Variants in KCNQ1 observed in about 807,000 individuals in gnomAD.
KCNQ1 encodes potassium voltage-gated channel subfamily KQT member 1.
A neutral mutation model predicts 72.4 loss-of-function variants in KCNQ1; 49 were observed. The observed-to-expected ratio is 0.68, with a 90% CI of 0.54 to 0.86. KCNQ1 has a LOEUF of 0.86. Among genes scored for constraint, KCNQ1 ranks in the 40% least tolerant of loss-of-function variants. KCNQ1 has a pLI of 0.00. For synonymous variants in KCNQ1, 450 were observed against 412.6 expected, an observed-to-expected ratio of 1.09 and a Z score of -1.10; for missense variants, 790 against 945.1, an observed-to-expected ratio of 0.84 and a Z score of 2.15.
At chr11:2,774,693 C>G (rs529257334) in intron 12 of KCNQ1, among the ~76,000 whole-genome samples, 3 of 152,300 alleles carry the variant, frequency 2.0e-5, no homozygotes, top group African/African-American at 7.2e-5. Context: ...AAAGTGGGTA[C>G]ATGGAGACCT....
rs182746329 is a variant in KCNQ1 at position 2,766,521 on chromosome 11, A to C, written c.1515-2323A>C. On this transcript the variant is annotated intron_variant, in intron 11 of 15. Coordinates refer to ENST00000155840, the MANE Select transcript of KCNQ1 (RefSeq NM_000218.3). The surrounding 1 kb of genome is among the most constrained non-coding windows in gnomAD (Gnocchi z 4.4). ...TTGAGGCTGAGCTTCAGAAGACATG[A>C]TCATTTCCACCATGGTGGAGATAGA... Among the ~76,000 whole-genome samples, 458 of 152,322 alleles carry C rather than the reference A, an allele frequency of 3.0e-3. No individual in the cohort carries two copies. Among genetic ancestry groups the C allele is most frequent in the African/African-American group, 0.011 (439 of 41,582 alleles).
In KCNQ1 at chr11:2,509,924, GC is replaced by G. The variant is rs1847168396; in HGVS notation, c.387-18002del. On this transcript the variant is annotated intron_variant, in intron 1 of 15. Coordinates refer to ENST00000155840, the MANE Select transcript of KCNQ1 (RefSeq NM_000218.3). The surrounding 1 kb of genome is among the most constrained non-coding windows in gnomAD (Gnocchi z 6.3). ...CGGGAACAGACCCACTGCCAGGGCT[GC>G]CTCTCTCTTTAGATATGTCCTGGCA... Among the ~76,000 whole-genome samples the G allele has an allele frequency of 1.3e-5, 2 of 152,160 alleles. No individual in the cohort carries two copies. The highest frequency in any genetic ancestry group is 4.8e-5 in the African/African-American group (2 of 41,450).
chr11:2,727,861 C>T (rs970573409), intron 11 of KCNQ1, among the ~76,000 whole-genome samples: 5 of 152,146 alleles, frequency 3.3e-5, no homozygotes, highest in East Asian at 3.9e-4. Context: ...GCCAGGCATT[C>T]GTTCCTCTGT....
intron 6 of KCNQ1, among the ~76,000 whole-genome samples, chr11:2,576,214 C>G (rs1396914129): frequency 1.3e-5 from 2 of 152,214 alleles, no homozygotes; most frequent in African/African-American, 4.8e-5. Context: ...GGGAAGGTCC[C>G]TCCCCTTGCC....
Position 2,503,714 on chromosome 11 carries a change from A to G in KCNQ1, c.387-24214A>G, listed in dbSNP as rs534994304. Among the ~76,000 whole-genome samples, 9 of 152,300 alleles carry G rather than the reference A, an allele frequency of 5.9e-5. No homozygotes were observed. In the South Asian group the frequency reaches 1.9e-3, roughly 32 times the overall value. ...ATAATAATAAAAAAACAAATGACAAATAAATAAATGAAAAGGTACTCAACG... is the reference window on the plus strand; with the variant it reads ...ATAATAATAAAAAAACAAATGACAAGTAAATAAATGAAAAGGTACTCAACG... On this transcript the variant is annotated intron_variant, in intron 1 of 15. Coordinates refer to ENST00000155840, the MANE Select transcript of KCNQ1 (RefSeq NM_000218.3).
intron 15 of KCNQ1, among the ~76,000 whole-genome samples, chr11:2,847,476 AGAG>A (rs1178642299): frequency 6.6e-6 from 1 of 152,202 alleles, no homozygotes; most frequent in Non-Finnish European, 1.5e-5. Context: ...GAGAAGGAGG[AGAG>A]GAGAGCTCCT....
chr11:2,796,590 C>T (rs1184067270), intron 15 of KCNQ1, among the ~76,000 whole-genome samples: 4 of 152,222 alleles, frequency 2.6e-5, no homozygotes, highest in South Asian at 2.1e-4. Flanking sequence ...AAACGTGCCC[C>T]GAAGGGGCCT....
At chr11:2,721,436 G>T (rs1403904631) in intron 11 of KCNQ1, among the ~76,000 whole-genome samples, 1 of 152,260 alleles carries the variant, frequency 6.6e-6, no homozygotes, top group Non-Finnish European at 1.5e-5. Flanking sequence ...CAGAGGGCTG[G>T]CAGATCAGCA....
Position 2,691,489 on chromosome 11 carries a change from A to G in KCNQ1, c.1514+29408A>G. Reference sequence around the variant, plus strand: ...CCTCTTTGTTTTTTCATCTCAGCCTATTCAAGGCCATTTTTCAGCTTGCTT... The same window carrying G: ...CCTCTTTGTTTTTTCATCTCAGCCTGTTCAAGGCCATTTTTCAGCTTGCTT... On this transcript the variant is annotated intron_variant, in intron 11 of 15. Coordinates refer to ENST00000155840, the MANE Select transcript of KCNQ1 (RefSeq NM_000218.3). The surrounding 1 kb of genome is among the most constrained non-coding windows in gnomAD (Gnocchi z 6.4). The G allele has an allele frequency of 5.0e-6, 2 of 398,376 alleles. No homozygotes were observed. Among genetic ancestry groups the G allele is most frequent in the Non-Finnish European group, 8.8e-6 (2 of 226,034 alleles). 24.7% of individuals were successfully genotyped at this position (398,376 alleles called of 1,614,324 possible).
At chr11:2,716,333 C>T (rs956156056) in intron 11 of KCNQ1, among the ~76,000 whole-genome samples, 1 of 152,204 alleles carries the variant, frequency 6.6e-6, no homozygotes, top group African/African-American at 2.4e-5. Flanking sequence ...TCAAGGAACC[C>T]TCTAGGGCAC....
intron 2 of KCNQ1, among the ~76,000 whole-genome samples, chr11:2,556,046 A>G (rs897269752): frequency 2.6e-5 from 4 of 152,210 alleles, no homozygotes; most frequent in Admixed American, 1.3e-4. Flanking sequence ...AGCTCCAGGT[A>G]TCAGCGAGGT....
intron 15 of KCNQ1, among the ~76,000 whole-genome samples, chr11:2,839,190 G>A (rs1051161981): frequency 2.0e-5 from 3 of 152,170 alleles, no homozygotes; most frequent in African/African-American, 4.8e-5. Flanking sequence ...CCACCTGCCT[G>A]GCAGTGAGGC....
In KCNQ1 at chr11:2,620,315, C is replaced by A. The variant is rs916819882; in HGVS notation, c.1393+31461C>A. ...CACTGCAGCCTCCGCCTACCGGGTTCAAGTGATTCTCCTGCCTCAGCCTCC... is the reference window on the plus strand; with the variant it reads ...CACTGCAGCCTCCGCCTACCGGGTTAAAGTGATTCTCCTGCCTCAGCCTCC... On this transcript the variant is annotated intron_variant, in intron 10 of 15. Coordinates refer to ENST00000155840, the MANE Select transcript of KCNQ1 (RefSeq NM_000218.3). The surrounding 1 kb of genome is among the most constrained non-coding windows in gnomAD (Gnocchi z 4.5). 4.9e-6 allele frequency: 1 copy of A among 204,746 alleles called. No homozygotes were observed. The highest frequency in any genetic ancestry group is 1.9e-4 in the South Asian group (1 of 5,258). The allele number at this position is 204,746 out of a possible 1,614,324, so 12.7% of individuals were successfully genotyped here.
At chr11:2,801,295 G>A (rs1847258416) in intron 15 of KCNQ1, among the ~76,000 whole-genome samples, 1 of 152,234 alleles carries the variant, frequency 6.6e-6, no homozygotes, top group Admixed American at 6.5e-5. Flanking sequence ...TGTGCCTGTA[G>A]GGGCGGGCAC....
At chr11:2,560,132 G>A (rs540336872) in intron 2 of KCNQ1, among the ~76,000 whole-genome samples, 1 of 120,746 alleles carries the variant, frequency 8.3e-6, no homozygotes, top group East Asian at 2.6e-4. Context: ...TCTCAGACAT[G>A]GGGGGGAGAT....
At chr11:2,606,609 T>A (rs572935378) in intron 10 of KCNQ1, among the ~76,000 whole-genome samples, 1 of 152,324 alleles carries the variant, frequency 6.6e-6, no homozygotes, top group Admixed American at 6.5e-5. Flanking sequence ...ATATTTCCTG[T>A]ATAGCCTGAA....
In KCNQ1 at chr11:2,661,143, G is replaced by A; in HGVS notation, c.1394-818G>A. 1 of 398,582 alleles carries A rather than the reference G, an allele frequency of 2.5e-6. No homozygotes were observed. Among genetic ancestry groups the A allele is most frequent in the Non-Finnish European group, 4.4e-6 (1 of 226,072 alleles). The allele number at this position is 398,582 out of a possible 1,614,324, so 24.7% of individuals were successfully genotyped here. A position where few individuals can be genotyped will look rare whatever the true frequency, so the allele number is the denominator to read the frequency against. Reference sequence around the variant, plus strand: ...TCGGATGAGCAGAGAGGGTGGGCTAGGGATCTAGTTGGCAGTTAACACTGA... The same window carrying A: ...TCGGATGAGCAGAGAGGGTGGGCTAAGGATCTAGTTGGCAGTTAACACTGA... On this transcript the variant is annotated intron_variant, in intron 10 of 15. Coordinates refer to ENST00000155840, the MANE Select transcript of KCNQ1 (RefSeq NM_000218.3). The surrounding 1 kb of genome is among the most constrained non-coding windows in gnomAD (Gnocchi z 5.9).
chr11:2,681,049 TG>T (rs1157292920), intron 11 of KCNQ1: 1 of 398,556 alleles, frequency 2.5e-6, no homozygotes, highest in Non-Finnish European at 4.4e-6. Context: ...TAGTGAAATG[TG>T]GGCTCCAAAA....
chr11:2,732,001 C>T (rs1010244940), intron 11 of KCNQ1, among the ~76,000 whole-genome samples: 2 of 152,248 alleles, frequency 1.3e-5, no homozygotes, highest in East Asian at 1.9e-4. Context: ...GCCTGCAAGC[C>T]GTGGGCTCCT....
Sources: allele counts gnomAD v4.1 joint callset (sites outside exome capture counted in the v4.1 genomes callset), GRCh38; gene constraint gnomAD v4.1.1; non-coding constraint Gnocchi (gnomAD v3.1); transcripts MANE v1.5; gene names NCBI Gene and HGNC (gene_info 2026-07-23, HGNC 2026-07-21).